Variants in ZNF559 observed in about 807,000 individuals in gnomAD.
ZNF559 encodes the protein zinc finger protein 559, also known as putative protein product of Nbla00121.
A neutral mutation model predicts 14.2 loss-of-function variants in ZNF559; 17 were observed. That is an observed-to-expected ratio of 1.20 (90% CI 0.82 to 1.80). The LOEUF (loss-of-function observed/expected upper bound fraction) is 1.80, where lower values mean the gene tolerates loss of function less well. ZNF559 is among the 40% of genes most tolerant of loss of function. ZNF559 has a pLI of 0.00. For missense variants in ZNF559, 740 were observed against 629.7 expected, an observed-to-expected ratio of 1.18 and a Z score of -1.88; for synonymous variants, 244 against 212.4, an observed-to-expected ratio of 1.15 and a Z score of -1.29.
At chr19:9,328,387 G>GTGTTTTTTT (rs1555727794) in intron 2 of ZNF559, among the ~76,000 whole-genome samples, 1 of 60,898 alleles carries the variant, frequency 1.6e-5, no homozygotes. Context: ...CGGAGTTTTT[G>GTGTTTTTTT]CTCTTGTCCA....
At chr19:9,324,069 T>C (rs907148232), upstream of ZNF559, 118 of 1,311,674 alleles carry the variant, frequency 9.0e-5, no homozygotes, top group Admixed American at 1.3e-3. Context: ...GCATTTCCTC[T>C]CAGCTCTGGG....
At chr19:9,336,901 T>C (rs1347473493) in intron 2 of ZNF559, among the ~76,000 whole-genome samples, 1 of 152,124 alleles carries the variant, frequency 6.6e-6, no homozygotes, top group Admixed American at 6.5e-5. Context: ...TCACGCTCAG[T>C]GATGGAAGCA....
At chr19:9,340,587 AAAAAG>A (rs554502800) in intron 5 of ZNF559, among the ~76,000 whole-genome samples, 67,451 of 135,182 alleles carry the variant, frequency 0.5, 17,528 homozygotes, top group Middle Eastern at 0.56. Context: ...AAAAAAAAAA[AAAAAG>A]AGTCTTGCTC....
intron 1 of ZNF559, 65 bp from the exon 2 acceptor site, chr19:9,324,630 A>T: frequency 5.1e-6 from 2 of 392,998 alleles, no homozygotes; most frequent in Admixed American, 4.8e-5. Context: ...CCCCCCCCCC[A>T]ACCATCTCTA....
At chr19:9,341,552 C>G in intron 6 of ZNF559, 143 bp from the exon 7 acceptor site, 2 of 1,435,304 alleles carry the variant, frequency 1.4e-6, no homozygotes, top group Non-Finnish European at 1.9e-6. Context: ...TGAACCATGC[C>G]TTGCAATGAA....
At chr19:9,327,579 ATCT>A (rs1394653115) in intron 2 of ZNF559, among the ~76,000 whole-genome samples, 2 of 152,056 alleles carry the variant, frequency 1.3e-5, no homozygotes, top group African/African-American at 4.8e-5. Context: ...TCACTCAGTC[ATCT>A]TCTCCTGAAC....
chr19:9,342,209 C>A lies in ZNF559; in HGVS notation c.758C>A (p.Ser253Ter). Residue 253 changes from serine to a stop codon, truncating the protein, a stop_gained, in exon 7 of 7, where the codon TCG (serine) becomes TAG (stop). Transcript: ENST00000603380. LOFTEE classifies it low-confidence loss of function (END_TRUNC). Reference protein sequence around the residue: ...CKACGKPFTESSYLTQHLRTH... With the variant: ...CKACGKPFTE ...GCATGTGGGAAACCCTTCACTGAGT[C>A]GTCATATCTTACTCAACATTTAAGA... is the stretch of plus-strand genomic sequence containing the variant. 6.3e-7 allele frequency: 1 copy of A among 1,595,648 alleles called. No homozygotes were observed. Among genetic ancestry groups the A allele is most frequent in the Non-Finnish European group, 8.5e-7 (1 of 1,174,094 alleles).
Position 9,324,223 on chromosome 19 carries a change from T to C in ZNF559, c.-211T>C. ...TCTTAACAGCGCGTTCCCGTTGGCG[T>C]CTGAGGTAAGTTTTTGTTTCTGGGC... On this transcript the variant is annotated 5_prime_UTR_variant, in exon 1 of 7. Coordinates refer to ENST00000603380, the MANE Select transcript of ZNF559 (RefSeq NM_032497.3). 6.5e-7 allele frequency: 1 copy of C among 1,535,988 alleles called. No individual in the cohort carries two copies. Among genetic ancestry groups the C allele is most frequent in the South Asian group, 1.2e-5 (1 of 84,056 alleles).
chr19:9,324,287 G>A, intron 1 of ZNF559, 59 bp downstream of exon 1: 3 of 1,536,036 alleles, frequency 2.0e-6, no homozygotes, highest in South Asian at 1.2e-5. Flanking sequence ...CGCGAGAGTA[G>A]AAGGGTGGAA....
At chr19:9,324,462 G>A in intron 1 of ZNF559, 3 of 1,426,844 alleles carry the variant, frequency 2.1e-6, no homozygotes, top group Non-Finnish European at 2.7e-6. Context: ...AGGAGGCGGG[G>A]GGCACGGCCT....
chr19:9,337,188 C>G (rs1438175599), intron 2 of ZNF559, among the ~76,000 whole-genome samples: 2 of 152,208 alleles, frequency 1.3e-5, no homozygotes, highest in Admixed American at 6.5e-5. Context: ...ACTTCATACA[C>G]TTATGCCCAG....
chr19:9,343,926 C>A lies in ZNF559; in HGVS notation c.*858C>A. 1 of 527,916 alleles carries A rather than the reference C, an allele frequency of 1.9e-6. No individual in the cohort carries two copies. The highest frequency in any genetic ancestry group is 2.4e-6 in the Non-Finnish European group (1 of 412,604). 32.7% of individuals were successfully genotyped at this position (527,916 alleles called of 1,614,324 possible). A position where few individuals can be genotyped will look rare whatever the true frequency, so the allele number is the denominator to read the frequency against. ...GAGTTCCACTCTTTCCCCCATTTGT[C>A]ACTACTACACTTCCCTAGTCTTTAA... On this transcript the variant is annotated 3_prime_UTR_variant, in exon 7 of 7. Coordinates refer to ENST00000603380, the MANE Select transcript of ZNF559 (RefSeq NM_032497.3).
At chr19:9,338,709 A>G (rs564631274) in intron 4 of ZNF559, 127 bp downstream of exon 4, 5 of 681,438 alleles carry the variant, frequency 7.3e-6, no homozygotes, top group African/African-American at 5.4e-5. Flanking sequence ...TCTCTCATCA[A>G]ACTTCTTCGG....
At chr19:9,327,750 A>T (rs1350376343) in intron 2 of ZNF559, among the ~76,000 whole-genome samples, 1 of 151,574 alleles carries the variant, frequency 6.6e-6, no homozygotes, top group Non-Finnish European at 1.5e-5. Flanking sequence ...ACTTATTCTA[A>T]TTTTTTTTTC....
chr19:9,337,509 CGTT>C (rs1477167784), intron 2 of ZNF559, among the ~76,000 whole-genome samples: 1 of 152,154 alleles, frequency 6.6e-6, no homozygotes, highest in East Asian at 1.9e-4. Flanking sequence ...CTCATGGTCA[CGTT>C]GGAGAATAAG....
intron 5 of ZNF559, among the ~76,000 whole-genome samples, chr19:9,340,213 G>GT (rs1385162945): frequency 3.3e-5 from 5 of 152,078 alleles, no homozygotes; most frequent in Admixed American, 6.6e-5. Context: ...CAAGATGAGA[G>GT]AAAAGACAGA....
Position 9,343,675 on chromosome 19 carries a change from A to G in ZNF559, c.*607A>G. 1 of 988,222 alleles carries G rather than the reference A, an allele frequency of 1.0e-6. No homozygotes were observed. Among genetic ancestry groups the G allele is most frequent in the Non-Finnish European group, 1.2e-6 (1 of 831,708 alleles). The allele number at this position is 988,222 out of a possible 1,614,324, so 61.2% of individuals were successfully genotyped here. A position where few individuals can be genotyped will look rare whatever the true frequency, so the allele number is the denominator to read the frequency against. ...TGGAAAGCCCTTGAACTTGGTCGTT[A>G]GGAAACATCCACACTGAAGAGGAAC... On this transcript the variant is annotated 3_prime_UTR_variant, in exon 7 of 7. Coordinates refer to ENST00000603380, the MANE Select transcript of ZNF559 (RefSeq NM_032497.3).
At chr19:9,341,331 G>T (rs186289526) in intron 6 of ZNF559, 147 bp downstream of exon 6, 2 of 832,822 alleles carry the variant, frequency 2.4e-6, no homozygotes, top group Non-Finnish European at 4.0e-6. Flanking sequence ...AGAGACTATG[G>T]ATCATGAGTT....
At position 9,343,699 on chromosome 19, in the gene ZNF559, A is replaced by G; in HGVS notation, c.*631A>G. On this transcript the variant is annotated 3_prime_UTR_variant, in exon 7 of 7. Coordinates refer to ENST00000603380, the MANE Select transcript of ZNF559 (RefSeq NM_032497.3). ...TAGGAAACATCCACACTGAAGAGGA[A>G]CCTGACTGTATGGAAGGTCAAAAAG... The G allele has an allele frequency of 1.0e-6, 1 of 987,042 alleles. No individual in the cohort carries two copies. Among genetic ancestry groups the G allele is most frequent in the Non-Finnish European group, 1.2e-6 (1 of 831,028 alleles). 61.1% of individuals were successfully genotyped at this position (987,042 alleles called of 1,614,324 possible). A position where few individuals can be genotyped will look rare whatever the true frequency, so the allele number is the denominator to read the frequency against.
Sources: gnomAD v4.1 joint callset for allele counts (sites outside exome capture counted in the v4.1 genomes callset) on GRCh38, gnomAD v4.1.1 for gene constraint, MANE v1.5 for transcripts, NCBI Gene and HGNC (gene_info 2026-07-23, HGNC 2026-07-21) for gene names.